PGM5: variants seen among roughly 807,000 people sequenced by gnomAD.
PGM5 encodes the protein phosphoglucomutase 5.
In PGM5, 23 loss-of-function variants were observed where a neutral mutation model predicts 59.2. The observed-to-expected ratio is 0.39, with a 90% CI of 0.28 to 0.55. The LOEUF is 0.55. Ranked by LOEUF, PGM5 falls within the 20% of genes least tolerant of loss-of-function variation. The pLI is 0.66. For missense variants in PGM5, 574 were observed against 748.3 expected, an observed-to-expected ratio of 0.77 and a Z score of 2.72; for synonymous variants, 214 against 286.0, an observed-to-expected ratio of 0.75 and a Z score of 2.54.
chr9:68,493,677 C>T (rs1824437317), intron 9 of PGM5, among the ~76,000 whole-genome samples: 1 of 152,188 alleles, frequency 6.6e-6, no homozygotes, highest in Non-Finnish European at 1.5e-5. Context: ...GAAACTAAGG[C>T]TTAGAGAGCT....
At chr9:68,368,774 C>G (rs2131980523) in intron 1 of PGM5, among the ~76,000 whole-genome samples, 1 of 152,318 alleles carries the variant, frequency 6.6e-6, no homozygotes, top group South Asian at 2.1e-4. Context: ...TCCCAAGAAG[C>G]TGGGACTACA....
intron 6 of PGM5, among the ~76,000 whole-genome samples, chr9:68,419,813 C>G (rs1554682234): frequency 1.3e-5 from 2 of 152,130 alleles, no homozygotes; most frequent in African/African-American, 2.4e-5. Flanking sequence ...ATGGCCTTTT[C>G]CCCTCTTGAC....
intron 1 of PGM5, chr9:68,357,788 C>G (rs1554675900): frequency 3.8e-6 from 1 of 262,996 alleles, no homozygotes; most frequent in Non-Finnish European, 7.4e-6. Context: ...TCACTGCCCA[C>G]AGTCCCCACA....
intron 7 of PGM5, chr9:68,466,169 C>T (rs570751047): frequency 6.5e-5 from 84 of 1,300,006 alleles, no homozygotes; most frequent in Admixed American, 4.7e-4. Flanking sequence ...CAGTTTAGAT[C>T]GTCTCTATTG....
At chr9:68,505,855 CG>C (rs1824645650) in intron 10 of PGM5, among the ~76,000 whole-genome samples, 2 of 152,166 alleles carry the variant, frequency 1.3e-5, no homozygotes, top group Admixed American at 1.3e-4. Context: ...CTATAGGTCA[CG>C]GGGTGGGGCT....
At chr9:68,492,032 G>T (rs894897769) in intron 9 of PGM5, among the ~76,000 whole-genome samples, 1 of 152,172 alleles carries the variant, frequency 6.6e-6, no homozygotes, top group Non-Finnish European at 1.5e-5. Flanking sequence ...TGTAGCAAGC[G>T]TGTAAGCATT....
chr9:68,525,981 G>A (rs1008786427), intron 10 of PGM5, among the ~76,000 whole-genome samples: 1 of 151,956 alleles, frequency 6.6e-6, no homozygotes, highest in East Asian at 1.9e-4. Context: ...GCGTGAACCC[G>A]GGAGGCGGAG....
At chr9:68,463,984 G>C (rs1554685627) in intron 6 of PGM5, among the ~76,000 whole-genome samples, 1 of 152,160 alleles carries the variant, frequency 6.6e-6, no homozygotes, top group African/African-American at 2.4e-5. Context: ...AAAATTGTAA[G>C]TCAAACCATC....
In PGM5 at chr9:68,357,178, G is replaced by A; in HGVS notation, c.51G>A (p.Glu17=). 4 of 1,538,424 alleles carry A rather than the reference G, an allele frequency of 2.6e-6. No individual in the cohort carries two copies. The highest frequency in any genetic ancestry group is 2.6e-6 in the Non-Finnish European group (3 of 1,145,604). Residue 17 remains glutamate (E), a synonymous_variant, in exon 1 of 11, where the codon GAG becomes GAA. Coordinates refer to ENST00000396396, the MANE Select transcript of PGM5 (RefSeq NM_021965.4). ...TGACAGTGCCCACCGCGCCCTACGAGGACCAGCGGCCGGCCGGCGGCGGGG... is the reference window on the plus strand; with the variant it reads ...TGACAGTGCCCACCGCGCCCTACGAAGACCAGCGGCCGGCCGGCGGCGGGG... ...PVLTVPTAPY[E]DQRPAGGGGL...
At chr9:68,411,660 G>A (rs1420587259) in intron 6 of PGM5, among the ~76,000 whole-genome samples, 4 of 151,952 alleles carry the variant, frequency 2.6e-5, no homozygotes, top group African/African-American at 4.8e-5. Flanking sequence ...GATAGTGTAC[G>A]AATAATGAAA....
chr9:68,529,633 A>AGG lies in PGM5; in HGVS notation c.1684_1685dup (p.Pro563AspfsTer8). ...CCAGATTCATGAGAGAACTGGCCGGAGGGGACCCACTGTCATCACCTGAAT... is the reference window on the plus strand; with the variant it reads ...CCAGATTCATGAGAGAACTGGCCGGAGGGGGGACCCACTGTCATCACCTGAAT... On this transcript the variant is annotated frameshift_variant, in exon 11 of 11. Coordinates refer to ENST00000396396, the MANE Select transcript of PGM5 (RefSeq NM_021965.4). LOFTEE classifies it high-confidence loss of function. The AGG allele has an allele frequency of 1.3e-6, 2 of 1,598,786 alleles. No homozygotes were observed. Among genetic ancestry groups the AGG allele is most frequent in the Non-Finnish European group, 1.7e-6 (2 of 1,170,048 alleles).
chr9:68,416,748 C>G (rs1823038820), intron 6 of PGM5, among the ~76,000 whole-genome samples: 1 of 152,192 alleles, frequency 6.6e-6, no homozygotes, highest in Non-Finnish European at 1.5e-5. Flanking sequence ...AGCAGAATAT[C>G]TCAGAAATGT....
At chr9:68,428,075 T>C (rs141566545) in intron 6 of PGM5, among the ~76,000 whole-genome samples, 3 of 152,238 alleles carry the variant, frequency 2.0e-5, no homozygotes, top group African/African-American at 7.2e-5. Context: ...ATACACTTTA[T>C]GGCTATCCAT....
intron 10 of PGM5, among the ~76,000 whole-genome samples, chr9:68,504,368 C>T (rs887103582): frequency 6.6e-6 from 1 of 152,212 alleles, no homozygotes; most frequent in Admixed American, 6.5e-5. Context: ...ATCCTCCCCT[C>T]CACCTCATTT....
chr9:68,392,896 G>A (rs1822402751), intron 6 of PGM5, among the ~76,000 whole-genome samples: 1 of 152,080 alleles, frequency 6.6e-6, no homozygotes, highest in Non-Finnish European at 1.5e-5. Flanking sequence ...AAAAAAGCAT[G>A]GGTTTTGAGG....
At chr9:68,442,164 A>G (rs1823538340) in intron 6 of PGM5, among the ~76,000 whole-genome samples, 2 of 152,236 alleles carry the variant, frequency 1.3e-5, no homozygotes, top group African/African-American at 4.8e-5. Context: ...TTCCAATAAA[A>G]ATTTCCACAG....
intron 1 of PGM5, among the ~76,000 whole-genome samples, chr9:68,372,421 T>C (rs548596255): frequency 8.5e-5 from 13 of 152,170 alleles, no homozygotes; most frequent in African/African-American, 3.1e-4. Flanking sequence ...TCTTCCGTGA[T>C]GGAAGTGGCC....
chr9:68,519,231 T>A (rs1824863301), intron 10 of PGM5, among the ~76,000 whole-genome samples: 1 of 152,136 alleles, frequency 6.6e-6, no homozygotes, highest in Non-Finnish European at 1.5e-5. Flanking sequence ...ATATTTGGAA[T>A]AAAATGCAGC....
intron 2 of PGM5, among the ~76,000 whole-genome samples, chr9:68,380,798 A>T (rs1822054068): frequency 6.6e-6 from 1 of 151,888 alleles, no homozygotes. Flanking sequence ...AGGGATTATT[A>T]TGAACAATTT....
Sources: gnomAD v4.1 joint callset for allele counts (sites outside exome capture counted in the v4.1 genomes callset) on GRCh38, gnomAD v4.1.1 for gene constraint, MANE v1.5 for transcripts, NCBI Gene and HGNC (gene_info 2026-07-23, HGNC 2026-07-21) for gene names.